Variants in C1orf74 observed in about 807,000 individuals in gnomAD.
C1orf74 encodes the protein UPF0739 protein C1orf74.
C1orf74 carries 5 observed loss-of-function variants against 7.3 expected under a neutral mutation model. That is an observed-to-expected ratio of 0.68 (90% CI 0.36 to 1.44). The LOEUF (loss-of-function observed/expected upper bound fraction) is 1.44, where lower values mean the gene tolerates loss of function less well. Among genes scored for constraint, C1orf74 ranks in the 40% most tolerant of loss-of-function variants. C1orf74 has a pLI of 0.04. For missense variants in C1orf74, 291 were observed against 314.3 expected, an observed-to-expected ratio of 0.93 and a Z score of 0.56; for synonymous variants, 121 against 132.5, an observed-to-expected ratio of 0.91 and a Z score of 0.59.
Position 209,784,431 on chromosome 1 carries a change from T to C in C1orf74, c.-129A>G, listed in dbSNP as rs1483392197. 1 of 152,280 alleles carries C rather than the reference T, an allele frequency of 6.6e-6. No individual in the cohort carries two copies. The highest frequency in any genetic ancestry group is 1.5e-5 in the Non-Finnish European group (1 of 68,060). The allele number at this position is 152,280 out of a possible 1,614,324, so 9.4% of individuals were successfully genotyped here. A position where few individuals can be genotyped will look rare whatever the true frequency, so the allele number is the denominator to read the frequency against. On this transcript the variant is annotated 5_prime_UTR_variant, in exon 1 of 2. Coordinates refer to ENST00000294811, the MANE Select transcript of C1orf74 (RefSeq NM_152485.4). ...GGGGGCTCAGAAACTTTTTGCGGCT[T>C]CCTGCCTGCTGCCAGAAAGGCAGCT...
Position 209,781,463 on chromosome 1 carries a change from G to A in C1orf74, c.*1362C>T, listed in dbSNP as rs775066158. 70 of 1,605,986 alleles carry A rather than the reference G, an allele frequency of 4.4e-5. No homozygotes were observed. The Admixed American group carries it at 1.0e-3, about 24-fold the overall frequency. ...AGCCAGCAGCTGCCTCCCAGAGTAA[G>A]AGGGTCTCTCCTTCCCATAAAGCCC... is the stretch of plus-strand genomic sequence containing the variant. On this transcript the variant is annotated 3_prime_UTR_variant, in exon 2 of 2. Coordinates refer to ENST00000294811, the MANE Select transcript of C1orf74 (RefSeq NM_152485.4).
At position 209,780,659 on chromosome 1, in the gene C1orf74, C is replaced by G; in HGVS notation, c.*2166G>C. The G allele has an allele frequency of 7.0e-7, 1 of 1,437,572 alleles. No homozygotes were observed. Among genetic ancestry groups the G allele is most frequent in the Non-Finnish European group, 9.2e-7 (1 of 1,081,544 alleles). 89.1% of individuals were successfully genotyped at this position (1,437,572 alleles called of 1,614,324 possible). A position where few individuals can be genotyped will look rare whatever the true frequency, so the allele number is the denominator to read the frequency against. ...GCTCATTTGCGAAATAGCAGAGAAA[C>G]CTGGGAGGCAGTCAAAAAGCAGGGA... On this transcript the variant is annotated 3_prime_UTR_variant, in exon 2 of 2. Coordinates refer to ENST00000294811, the MANE Select transcript of C1orf74 (RefSeq NM_152485.4).
Position 209,781,459 on chromosome 1 carries a change from G to A in C1orf74, c.*1366C>T, listed in dbSNP as rs749392897. 3 of 1,607,992 alleles carry A rather than the reference G, an allele frequency of 1.9e-6. No individual in the cohort carries two copies. Among genetic ancestry groups the A allele is most frequent in the Middle Eastern group, 1.7e-4 (1 of 6,048 alleles). On this transcript the variant is annotated 3_prime_UTR_variant, in exon 2 of 2. Coordinates refer to ENST00000294811, the MANE Select transcript of C1orf74 (RefSeq NM_152485.4). ...CCAGAGCCAGCAGCTGCCTCCCAGA[G>A]TAAGAGGGTCTCTCCTTCCCATAAA...
Position 209,781,537 on chromosome 1 carries a change from T to C in C1orf74, c.*1288A>G. On this transcript the variant is annotated 3_prime_UTR_variant, in exon 2 of 2. Transcript: ENST00000294811. ...TTAACCAAGTTTTGCACATAAAATA[T>C]ATCAGCCCACGCCAACAACTGGCCA... 2.8e-6 allele frequency: 3 copies of C among 1,064,620 alleles called. No homozygotes were observed. The highest frequency in any genetic ancestry group is 4.3e-6 in the Non-Finnish European group (3 of 691,344). 65.9% of individuals were successfully genotyped at this position (1,064,620 alleles called of 1,614,324 possible). A position where few individuals can be genotyped will look rare whatever the true frequency, so the allele number is the denominator to read the frequency against.
Position 209,780,705 on chromosome 1 carries a change from G to A in C1orf74, c.*2120C>T, listed in dbSNP as rs535908548. 53 of 1,156,146 alleles carry A rather than the reference G, an allele frequency of 4.6e-5. 1 individual carries two copies. Among genetic ancestry groups the A allele is most frequent in the Middle Eastern group, 5.2e-4 (2 of 3,818 alleles). The allele number at this position is 1,156,146 out of a possible 1,614,324, so 71.6% of individuals were successfully genotyped here. A position where few individuals can be genotyped will look rare whatever the true frequency, so the allele number is the denominator to read the frequency against. On this transcript the variant is annotated 3_prime_UTR_variant, in exon 2 of 2. Coordinates refer to ENST00000294811, the MANE Select transcript of C1orf74 (RefSeq NM_152485.4). ...AGGGATTTCAAAGTTTAAGTTGTGA[G>A]TGGATAACCACAGACATTCATTTGC...
At position 209,779,673 on chromosome 1, in the gene C1orf74, T is replaced by C. The variant is rs994177209; in HGVS notation, c.*3152A>G. ...GAACTCAGGATTTCATGTCAATTTT[T>C]ACACACTTGATTTTCCAAATCACAT... On this transcript the variant is annotated 3_prime_UTR_variant, in exon 2 of 2. Coordinates refer to ENST00000294811, the MANE Select transcript of C1orf74 (RefSeq NM_152485.4). 3.3e-6 allele frequency: 2 copies of C among 601,710 alleles called. No individual in the cohort carries two copies. The highest frequency in any genetic ancestry group is 3.7e-5 in the African/African-American group (2 of 53,882). The allele number at this position is 601,710 out of a possible 1,614,324, so 37.3% of individuals were successfully genotyped here. A position where few individuals can be genotyped will look rare whatever the true frequency, so the allele number is the denominator to read the frequency against.
Position 209,779,682 on chromosome 1 carries a change from G to C in C1orf74, c.*3143C>G. On this transcript the variant is annotated 3_prime_UTR_variant, in exon 2 of 2. Coordinates refer to ENST00000294811, the MANE Select transcript of C1orf74 (RefSeq NM_152485.4). Reference sequence around the variant, plus strand: ...ATTTCATGTCAATTTTTACACACTTGATTTTCCAAATCACATCCAACTCCC... The same window carrying C: ...ATTTCATGTCAATTTTTACACACTTCATTTTCCAAATCACATCCAACTCCC... The C allele has an allele frequency of 1.7e-6, 1 of 599,110 alleles. No individual in the cohort carries two copies. The highest frequency in any genetic ancestry group is 3.0e-6 in the Non-Finnish European group (1 of 338,460). The allele number at this position is 599,110 out of a possible 1,614,324, so 37.1% of individuals were successfully genotyped here.
rs1558035854 is a variant in C1orf74, at chr1:209,783,349, T to G, written c.286A>C (p.Ser96Arg). ...AAGTGCTGACATACATGCTCAGGAC[T>G]GACAATCAGGCTGTTTTCTCCAATC... ...LEIGENSLIV[S>R]PEHVCQHLEQ... The change falls in exon 2 of 2, where the codon AGT (serine) becomes CGT (arginine). Residue 96 changes from serine (S) to arginine (R), a missense_variant. Transcript: ENST00000294811. The G allele has an allele frequency of 1.2e-6, 2 of 1,614,198 alleles. No homozygotes were observed. Among genetic ancestry groups the G allele is most frequent in the Non-Finnish European group, 1.7e-6 (2 of 1,180,030 alleles).
In C1orf74 at chr1:209,782,858, A is replaced by G; in HGVS notation, c.777T>C (p.Ser259=). ...QNDFADLSIS[S]EIVTLPAVAL The stretch of plus-strand genomic sequence containing the variant: ...CCACAGCCGGCAGTGTGACTATCTC[A>G]GAGGAGATGCTGAGATCAGCAAAGT... Residue 259 remains serine, a synonymous_variant, in exon 2 of 2, where the codon TCT becomes TCC. Coordinates refer to ENST00000294811, the MANE Select transcript of C1orf74 (RefSeq NM_152485.4). 2 of 1,613,982 alleles carry G rather than the reference A, an allele frequency of 1.2e-6. No individual in the cohort carries two copies. The highest frequency in any genetic ancestry group is 1.7e-6 in the Non-Finnish European group (2 of 1,179,938).
rs2077773867 is a variant in C1orf74 at position 209,781,313 on chromosome 1, G to A, written c.*1512C>T. ...CCTGGGCTCTGTCCTAGACAGAAGT[G>A]ACAGTGATGACTTTGGTGATGTTCT... On this transcript the variant is annotated 3_prime_UTR_variant, in exon 2 of 2. Transcript: ENST00000294811. The A allele has an allele frequency of 6.7e-7, 1 of 1,486,680 alleles. No homozygotes were observed. The highest frequency in any genetic ancestry group is 9.4e-7 in the Non-Finnish European group (1 of 1,066,100). The allele number at this position is 1,486,680 out of a possible 1,614,324, so 92.1% of individuals were successfully genotyped here.
chr1:209,783,227 C>G lies in C1orf74; in HGVS notation c.408G>C (p.Lys136Asn). Residue 136 changes from lysine to asparagine, a missense_variant, in exon 2 of 2, where the codon AAG becomes AAC. Physicochemically the swap from Lys to Asn is moderately conservative, Grantham distance 94. Coordinates refer to ENST00000294811, the MANE Select transcript of C1orf74 (RefSeq NM_152485.4). ...VCSLDQLQDL[K>N]ALVAEIITHL... is the part of the protein sequence containing the mutation. ...GTGTGATGATCTCAGCCACGAGGGCCTTCAAGTCCTGAAGCTGGTCCAGGG... is the reference window on the plus strand; with the variant it reads ...GTGTGATGATCTCAGCCACGAGGGCGTTCAAGTCCTGAAGCTGGTCCAGGG... 1 of 1,614,172 alleles carries G rather than the reference C, an allele frequency of 6.2e-7. No individual in the cohort carries two copies. Among genetic ancestry groups the G allele is most frequent in the Non-Finnish European group, 8.5e-7 (1 of 1,180,024 alleles).
At position 209,781,230 on chromosome 1, in the gene C1orf74, G is replaced by T; in HGVS notation, c.*1595C>A. The T allele has an allele frequency of 1.6e-6, 1 of 633,942 alleles. No individual in the cohort carries two copies. The highest frequency in any genetic ancestry group is 2.9e-6 in the Non-Finnish European group (1 of 347,758). The allele number at this position is 633,942 out of a possible 1,614,324, so 39.3% of individuals were successfully genotyped here. ...TCAAATCCCTGAGAATGGCTGGGAAGGGAAGATGGTGGTAAAAATTCCAAA... is the reference window on the plus strand; with the variant it reads ...TCAAATCCCTGAGAATGGCTGGGAATGGAAGATGGTGGTAAAAATTCCAAA... On this transcript the variant is annotated 3_prime_UTR_variant, in exon 2 of 2. Transcript: ENST00000294811.
At position 209,781,368 on chromosome 1, in the gene C1orf74, A is replaced by G. The variant is rs762274221; in HGVS notation, c.*1457T>C. ...AGTGCAGAGAACTGCATTCAGAATTAGACAACCTCAGTGACGAGTATCTCT... is the reference window on the plus strand; with the variant it reads ...AGTGCAGAGAACTGCATTCAGAATTGGACAACCTCAGTGACGAGTATCTCT... On this transcript the variant is annotated 3_prime_UTR_variant, in exon 2 of 2. Transcript: ENST00000294811. 3 of 1,613,050 alleles carry G rather than the reference A, an allele frequency of 1.9e-6. No homozygotes were observed. The highest frequency in any genetic ancestry group is 2.2e-5 in the East Asian group (1 of 44,852).
At position 209,781,170 on chromosome 1, in the gene C1orf74, C is replaced by T. The variant is rs1021137313; in HGVS notation, c.*1655G>A. ...TTACTGTCAATCATTTAAATGAACA[C>T]ATTCCAGACAATGTAAGACAGTCAA... On this transcript the variant is annotated 3_prime_UTR_variant, in exon 2 of 2. Transcript: ENST00000294811. 47 of 473,064 alleles carry T rather than the reference C, an allele frequency of 9.9e-5. 1 individual carries two copies. In the South Asian group the frequency reaches 1.3e-3, roughly 13 times the overall value. 29.3% of individuals were successfully genotyped at this position (473,064 alleles called of 1,614,324 possible). A position where few individuals can be genotyped will look rare whatever the true frequency, so the allele number is the denominator to read the frequency against.
rs1571969692 is a variant in C1orf74 at position 209,780,727 on chromosome 1, T to C, written c.*2098A>G. ...TGAGTGGATAACCACAGACATTCAT[T>C]TGCCTACATAAAGTGTCTGTGCTTT... On this transcript the variant is annotated 3_prime_UTR_variant, in exon 2 of 2. Transcript: ENST00000294811. 9 of 951,688 alleles carry C rather than the reference T, an allele frequency of 9.5e-6. No individual in the cohort carries two copies. Among genetic ancestry groups the C allele is most frequent in the East Asian group, 3.2e-5 (1 of 31,154 alleles). The allele number at this position is 951,688 out of a possible 1,614,324, so 59.0% of individuals were successfully genotyped here.
chr1:209,782,985 A>T lies in C1orf74; in HGVS notation c.650T>A (p.Leu217Gln), dbSNP rs1285054449. 1.9e-6 allele frequency: 3 copies of T among 1,614,104 alleles called. No homozygotes were observed. Among genetic ancestry groups the T allele is most frequent in the Non-Finnish European group, 2.5e-6 (3 of 1,180,044 alleles). ...ISWLLGQPPI[L>Q]LYSFSVPESL... is the part of the protein sequence containing the mutation. ...CTCTGGGACACTAAAAGAATAGAGC[A>T]GGATTGGGGGTTGACCTAGCAACCA... Residue 217 changes from leucine (L) to glutamine (Q), a missense_variant, in exon 2 of 2, where the codon CTG (leucine) becomes CAG (glutamine). Leu to Gln is a moderately radical substitution (Grantham distance 113). Transcript: ENST00000294811.
At position 209,783,022 on chromosome 1, in the gene C1orf74, CAGTGAAT is replaced by C; in HGVS notation, c.606_612del (p.Phe203ProfsTer7). 1 of 1,614,148 alleles carries C rather than the reference CAGTGAAT, an allele frequency of 6.2e-7. No individual in the cohort carries two copies. Among genetic ancestry groups the C allele is most frequent in the Non-Finnish European group, 8.5e-7 (1 of 1,180,032 alleles). ...TGACCTAGCAACCATGAGATCCGGG[CAGTGAAT>C]ACTCGTAGTGGAGTCAGAGCTAAGC... On this transcript the variant is annotated frameshift_variant, in exon 2 of 2. Transcript: ENST00000294811. LOFTEE classifies it high-confidence loss of function.
chr1:209,782,039 T>TA lies in C1orf74; in HGVS notation c.*785_*786insT. 2.5e-6 allele frequency: 4 copies of TA among 1,608,056 alleles called. No homozygotes were observed. Among genetic ancestry groups the TA allele is most frequent in the Non-Finnish European group, 3.4e-6 (4 of 1,174,480 alleles). On this transcript the variant is annotated 3_prime_UTR_variant, in exon 2 of 2. Coordinates refer to ENST00000294811, the MANE Select transcript of C1orf74 (RefSeq NM_152485.4). Reference sequence around the variant, plus strand: ...CCACTCATGGCCACTTTCTTCTGTCTCCCTGTCCCCCTACAGAGGCAATGT... The same window carrying TA: ...CCACTCATGGCCACTTTCTTCTGTCTACCCTGTCCCCCTACAGAGGCAATGT...
chr1:209,780,802 T>A lies in C1orf74; in HGVS notation c.*2023A>T. On this transcript the variant is annotated 3_prime_UTR_variant, in exon 2 of 2. Coordinates refer to ENST00000294811, the MANE Select transcript of C1orf74 (RefSeq NM_152485.4). ...CTTCCTTATTTATACCAACTCCTAT[T>A]CAAGGTTTTATTAAATGATTACCTT... 1 of 386,048 alleles carries A rather than the reference T, an allele frequency of 2.6e-6. No individual in the cohort carries two copies. The allele number at this position is 386,048 out of a possible 1,614,324, so 23.9% of individuals were successfully genotyped here. A position where few individuals can be genotyped will look rare whatever the true frequency, so the allele number is the denominator to read the frequency against.
Sources: gnomAD v4.1 joint callset for allele counts on GRCh38, gnomAD v4.1.1 for gene constraint, MANE v1.5 for transcripts, NCBI Gene and HGNC (gene_info 2026-07-23, HGNC 2026-07-21) for gene names.